Variants in LIPJ observed in about 807,000 individuals in gnomAD.
LIPJ encodes lipase member J.
A neutral mutation model predicts 39.8 loss-of-function variants in LIPJ; 33 were observed. The ratio of observed to expected loss-of-function variants is 0.83; its 90% CI spans 0.63 to 1.11. The LOEUF is 1.11. Ranked by LOEUF, LIPJ falls within the 50% of genes least tolerant of loss-of-function variation. The pLI is 0.00. For missense variants in LIPJ, 422 were observed against 427.9 expected, an observed-to-expected ratio of 0.99 and a Z score of 0.12; for synonymous variants, 128 against 139.2, an observed-to-expected ratio of 0.92 and a Z score of 0.57.
At chr10:88,613,800 A>ATATATATATATATATGTGTGTG in the LIPJ span, among the ~76,000 whole-genome samples, 85 of 74,090 alleles carry the variant, frequency 1.1e-3, 1 homozygote, top group Admixed American at 2.9e-3. Flanking sequence ...ATATATATAT[A>ATATATATATATATATGTGTGTG]TGTGTGTGTG....
At chr10:88,621,079 G>A in the LIPJ span, among the ~76,000 whole-genome samples, 1 of 152,100 alleles carries the variant, frequency 6.6e-6, no homozygotes, top group South Asian at 2.1e-4. Flanking sequence ...GTGTCACATG[G>A]AGTATTCAGG....
downstream of LIPJ, among the ~76,000 whole-genome samples, chr10:88,607,815 A>G (rs1293459024): frequency 6.6e-6 from 1 of 152,262 alleles, no homozygotes; most frequent in Admixed American, 6.5e-5. Flanking sequence ...TCCTGTTTCC[A>G]GTTTATCACA....
chr10:88,602,634 T>C (rs781724772), exon 9 of LIPJ: 2 of 1,574,344 alleles, frequency 1.3e-6, no homozygotes, highest in South Asian at 1.2e-5. Context: ...CAAAATATGC[T>C]TCATTGGAGT....
chr10:88,617,704 T>C, the LIPJ span, among the ~76,000 whole-genome samples: 106 of 152,344 alleles, frequency 7.0e-4, no homozygotes, highest in Non-Finnish European at 1.3e-3. Flanking sequence ...CTATTGAACA[T>C]ATATCTGGTA....
the LIPJ span, among the ~76,000 whole-genome samples, chr10:88,619,468 C>CACACACACACACACACACACACACACAT: frequency 6.6e-6 from 1 of 151,912 alleles, no homozygotes; most frequent in Non-Finnish European, 1.5e-5. Context: ...CACACACACA[C>CACACACACACACACACACACACACACAT]ACATATCCCT....
chr10:88,583,291 C>T, upstream of LIPJ: 1 of 1,539,928 alleles, frequency 6.5e-7, no homozygotes, highest in Non-Finnish European at 8.7e-7. Flanking sequence ...CTCTTTGGTT[C>T]CGTGCTCCCT....
At chr10:88,595,019 T>C (rs1358496900) in intron 6 of LIPJ, among the ~76,000 whole-genome samples, 6 of 151,834 alleles carry the variant, frequency 4.0e-5, no homozygotes, top group Non-Finnish European at 8.8e-5. Context: ...TTTCAAATTG[T>C]ATAAAAGTTG....
At chr10:88,605,775 C>G in intron 10 of LIPJ, 71 bp downstream of exon 10, 3 of 916,584 alleles carry the variant, frequency 3.3e-6, no homozygotes, top group South Asian at 2.7e-5. Context: ...GATCAAGGAT[C>G]AACTGTAAAT....
intron 7 of LIPJ, 86 bp downstream of exon 7, chr10:88,596,502 C>T: frequency 1.5e-6 from 2 of 1,348,686 alleles, no homozygotes; most frequent in Non-Finnish European, 2.0e-6. Flanking sequence ...TATACGTAGA[C>T]AACCACAAGT....
At chr10:88,607,376 G>A (rs1001467251), downstream of LIPJ, among the ~76,000 whole-genome samples, 14 of 152,294 alleles carry the variant, frequency 9.2e-5, no homozygotes, top group African/African-American at 3.1e-4. Flanking sequence ...GGATGCCAAT[G>A]TAATATTGCT....
chr10:88,608,709 A>T (rs1240468997), downstream of LIPJ, among the ~76,000 whole-genome samples: 2 of 152,242 alleles, frequency 1.3e-5, no homozygotes, highest in African/African-American at 4.8e-5. Flanking sequence ...ATTTGTAGTT[A>T]ACACATACTT....
upstream of LIPJ, chr10:88,584,336 A>G (rs1850830830): frequency 1.3e-5 from 2 of 152,246 alleles, no homozygotes; most frequent in South Asian, 4.1e-4. Flanking sequence ...ATACATAATC[A>G]TTTACAACTT....
At chr10:88,622,307 A>C in the LIPJ span, among the ~76,000 whole-genome samples, 9 of 152,094 alleles carry the variant, frequency 5.9e-5, no homozygotes, top group Non-Finnish European at 1.0e-4. Flanking sequence ...TTCCTTACAG[A>C]TTTTACCGTG....
In LIPJ at chr10:88,606,703, C is replaced by G. The variant is rs542648827; in HGVS notation, c.897C>G (p.Asn299Lys). The G allele has an allele frequency of 5.0e-6, 8 of 1,612,582 alleles. No homozygotes were observed. The East Asian group carries it at 1.8e-4, about 36-fold the overall frequency. Residue 299 changes from asparagine to lysine, a missense_variant, in exon 11 of 11, where the codon AAC (asparagine) becomes AAG (lysine). Transcript: ENST00000371939. The stretch of plus-strand genomic sequence containing the variant: ...CGTCTCCATTATACAACATGACAAA[C>G]ATGAATGTGGCAACTGCAATTTGGA...
At chr10:88,613,770 GTATATATATATATATATATATA>G in the LIPJ span, among the ~76,000 whole-genome samples, 4 of 75,532 alleles carry the variant, frequency 5.3e-5, no homozygotes, top group South Asian at 1.8e-3. Context: ...ATGTGTGTGT[GTATATATATATATATATATATA>G]TATATATATG....
intron 8 of LIPJ, among the ~76,000 whole-genome samples, chr10:88,601,890 A>G (rs1342798998): frequency 6.6e-6 from 1 of 152,120 alleles, no homozygotes; most frequent in Non-Finnish European, 1.5e-5. Flanking sequence ...TGTGGAAATA[A>G]AACTTGCTTG....
the LIPJ span, among the ~76,000 whole-genome samples, chr10:88,616,980 C>G: frequency 7.2e-5 from 11 of 152,164 alleles, no homozygotes; most frequent in African/African-American, 2.7e-4. Flanking sequence ...TTCTCTTCCC[C>G]CTCTTTACTA....
chr10:88,616,871 T>C, the LIPJ span, among the ~76,000 whole-genome samples: 2 of 152,170 alleles, frequency 1.3e-5, no homozygotes, highest in African/African-American at 4.8e-5. Flanking sequence ...CTGAGGCCTT[T>C]TGGCCCAGCT....
the LIPJ span, among the ~76,000 whole-genome samples, chr10:88,613,800 A>ATATATATATATGTGTGTG: frequency 0.014 from 1,009 of 73,800 alleles, 10 homozygotes; most frequent in Admixed American, 0.038. Context: ...ATATATATAT[A>ATATATATATATGTGTGTG]TGTGTGTGTG....
Sources: gnomAD v4.1 joint callset for allele counts (sites outside exome capture counted in the v4.1 genomes callset) on GRCh38, gnomAD v4.1.1 for gene constraint, MANE v1.5 for transcripts, NCBI Gene and HGNC (gene_info 2026-07-23, HGNC 2026-07-21) for gene names.